KAZN: variants seen among roughly 807,000 people sequenced by gnomAD.
KAZN encodes kazrin, periplakin interacting protein.
In KAZN, 40 loss-of-function variants were observed where a neutral mutation model predicts 87.4. That is an observed-to-expected ratio of 0.46 (90% CI 0.36 to 0.60). The LOEUF is 0.60. Ranked by LOEUF, KAZN falls within the 20% of genes least tolerant of loss-of-function variation. The pLI is 0.00. For synonymous variants in KAZN, 466 were observed against 458.3 expected (o/e 1.02, Z -0.22); for missense variants, 898 against 1,073.9 (o/e 0.84, Z 2.29).
chr1:14,097,545 G>A lies in KAZN; in HGVS notation c.92-82890G>A, dbSNP rs138137680. Among the ~76,000 whole-genome samples, 613 of 152,250 alleles carry A rather than the reference G, an allele frequency of 4.0e-3. 10 individuals carry two copies. The South Asian group carries it at 0.066, about 16-fold the overall frequency. Reference sequence around the variant, plus strand: ...CAAAGGATTTCTATCTACCTGAAAGGCATTGTATTCGTAGTCAGTAATGAA... The same window carrying A: ...CAAAGGATTTCTATCTACCTGAAAGACATTGTATTCGTAGTCAGTAATGAA... On this transcript the variant is annotated intron_variant, in intron 1 of 16. Coordinates refer to the KAZN transcript ENST00000636203.
In KAZN at chr1:14,529,074, C is replaced by T. The variant is rs142508647; in HGVS notation, c.250-69909C>T. On this transcript the variant is annotated intron_variant, in intron 2 of 16. Transcript: ENST00000636203. ...ATCCCAGCACTTTGGGAGGCCGAGG[C>T]GGGCAGATTACCTGAGGTCAGGAGT... Among the ~76,000 whole-genome samples, 767 of 152,170 alleles carry T rather than the reference C, an allele frequency of 5.0e-3. 8 individuals are homozygous for T. Among genetic ancestry groups the T allele is most frequent in the African/African-American group, 0.018 (728 of 41,506 alleles).
At chr1:14,838,800 G>C (rs1036174342) in intron 1 of KAZN, among the ~76,000 whole-genome samples, 1 of 152,066 alleles carries the variant, frequency 6.6e-6, no homozygotes, top group Non-Finnish European at 1.5e-5. Context: ...TTTTGTATTT[G>C]TAGTAGAGAC....
chr1:14,853,403 A>G (rs1649696329), intron 1 of KAZN, among the ~76,000 whole-genome samples: 1 of 151,954 alleles, frequency 6.6e-6, no homozygotes, highest in African/African-American at 2.4e-5. Context: ...CGTGGTGCAC[A>G]CCCTCTGTCT....
intron 2 of KAZN, among the ~76,000 whole-genome samples, chr1:14,542,814 G>A (rs975161615): frequency 2.0e-5 from 3 of 152,182 alleles, no homozygotes; most frequent in Non-Finnish European, 2.9e-5. Context: ...CCGGGCAAGC[G>A]GGGGAACAGC....
At chr1:14,918,119 C>T (rs896128605) in intron 1 of KAZN, among the ~76,000 whole-genome samples, 4 of 151,968 alleles carry the variant, frequency 2.6e-5, no homozygotes, top group East Asian at 1.9e-4. Context: ...CCTTGTGATC[C>T]GCCTGCCTCA....
intron 1 of KAZN, among the ~76,000 whole-genome samples, chr1:14,787,961 A>G (rs1445478911): frequency 6.6e-6 from 1 of 152,240 alleles, no homozygotes; most frequent in African/African-American, 2.4e-5. Context: ...GCCCCAGAAG[A>G]AAACCAAGCC....
chr1:14,513,258 C>G (rs1671013807), intron 2 of KAZN, among the ~76,000 whole-genome samples: 1 of 152,110 alleles, frequency 6.6e-6, no homozygotes, highest in South Asian at 2.1e-4. Flanking sequence ...CTGTGTTAGC[C>G]GGTCCCTCTC....
At chr1:15,092,432 G>GGTGT (rs749584140) in intron 8 of KAZN, among the ~76,000 whole-genome samples, 161 of 151,462 alleles carry the variant, frequency 1.1e-3, no homozygotes, top group Non-Finnish European at 2.0e-3. Context: ...TGTCTGTTTG[G>GGTGT]GTGTGTGTGT....
intron 1 of KAZN, among the ~76,000 whole-genome samples, chr1:13,972,276 C>CTTT (rs546200121): frequency 5.0e-5 from 7 of 141,196 alleles, no homozygotes; most frequent in African/African-American, 7.9e-5. Flanking sequence ...TTTTTCTTTT[C>CTTT]TTTTTTTTTT....
chr1:14,826,626 C>T (rs769382972), intron 1 of KAZN, among the ~76,000 whole-genome samples: 10 of 152,174 alleles, frequency 6.6e-5, no homozygotes, highest in Middle Eastern at 3.2e-3. Context: ...GTGGTTCTGT[C>T]GGTTTCACAT....
chr1:15,094,784 G>GC lies in KAZN; in HGVS notation c.1429-26dup, dbSNP rs1432578206. ...AGGAACCCCGCCGGCAGCTGTCCCA[G>GC]CCCCCATATGACACTCCCTCCCGGG... On this transcript the variant is annotated intron_variant, in intron 9 of 14. Transcript: ENST00000376030. The surrounding 1 kb of genome is among the most constrained non-coding windows in gnomAD (Gnocchi z 4.5). 3.1e-5 allele frequency: 47 copies of GC among 1,511,558 alleles called. No individual in the cohort carries two copies. Among genetic ancestry groups the GC allele is most frequent in the Non-Finnish European group, 4.0e-5 (45 of 1,113,608 alleles). 93.6% of individuals were successfully genotyped at this position (1,511,558 alleles called of 1,614,324 possible).
intron 2 of KAZN, among the ~76,000 whole-genome samples, chr1:14,496,830 A>C (rs1332650764): frequency 6.6e-6 from 1 of 152,058 alleles, no homozygotes; most frequent in Non-Finnish European, 1.5e-5. Context: ...CAGCATTTGA[A>C]AGGCTTACCA....
At chr1:14,888,021 C>G (rs1419769420) in intron 1 of KAZN, among the ~76,000 whole-genome samples, 1 of 152,088 alleles carries the variant, frequency 6.6e-6, no homozygotes, top group Admixed American at 6.5e-5. Context: ...CTGACAGCCT[C>G]TCTCGGTGAT....
chr1:14,645,013 T>C (rs1011690613), intron 1 of KAZN, among the ~76,000 whole-genome samples: 1 of 152,234 alleles, frequency 6.6e-6, no homozygotes, highest in African/African-American at 2.4e-5. Flanking sequence ...TTCAATCTTC[T>C]GCATATAGTC....
At chr1:13,933,676 G>A (rs1183045565) in intron 1 of KAZN, among the ~76,000 whole-genome samples, 1 of 152,232 alleles carries the variant, frequency 6.6e-6, no homozygotes, top group East Asian at 1.9e-4. Flanking sequence ...AATATTTGCT[G>A]AATGGTCATT....
intron 1 of KAZN, among the ~76,000 whole-genome samples, chr1:14,706,564 A>T (rs961299241): frequency 1.3e-5 from 2 of 152,238 alleles, no homozygotes; most frequent in Non-Finnish European, 2.9e-5. Flanking sequence ...CATTATATGT[A>T]TCAAAACATC....
At chr1:14,499,162 C>A (rs12136164) in intron 2 of KAZN, among the ~76,000 whole-genome samples, 27,105 of 151,912 alleles carry the variant, frequency 0.18, 2,897 homozygotes, top group Non-Finnish European at 0.25. Context: ...AAGTGGACAT[C>A]GGGTGACTGG....
intron 2 of KAZN, among the ~76,000 whole-genome samples, chr1:14,496,421 C>A (rs1374100446): frequency 1.3e-5 from 2 of 152,076 alleles, no homozygotes; most frequent in East Asian, 3.9e-4. Context: ...AATTGATATT[C>A]ATAGACTCGT....
intron 1 of KAZN, among the ~76,000 whole-genome samples, chr1:14,673,374 A>G (rs1280445657): frequency 2.0e-5 from 3 of 152,230 alleles, no homozygotes; most frequent in African/African-American, 7.2e-5. Context: ...AAAGTGGCCC[A>G]TTGCACTGAG....
Sources: gnomAD v4.1 joint callset for allele counts (sites outside exome capture counted in the v4.1 genomes callset) on GRCh38, gnomAD v4.1.1 for gene constraint, Gnocchi (gnomAD v3.1) non-coding constraint, MANE v1.5 for transcripts, NCBI Gene and HGNC (gene_info 2026-07-23, HGNC 2026-07-21) for gene names.